Variants in NF1 observed in about 807,000 individuals in gnomAD.
NF1 encodes neurofibromin.
NF1 carries 122 observed loss-of-function variants against 325.7 expected under a neutral mutation model. The ratio of observed to expected loss-of-function variants is 0.37; its 90% CI spans 0.32 to 0.44. The LOEUF is 0.44. Ranked by LOEUF, NF1 falls within the 20% of genes least tolerant of loss-of-function variation. The pLI is 1.00. For missense variants in NF1, 2,140 were observed against 3,415.4 expected, an observed-to-expected ratio of 0.63 and a Z score of 9.31; for synonymous variants, 1,091 against 1,186.0, an observed-to-expected ratio of 0.92 and a Z score of 1.65.
chr17:31,218,982 A>C (rs2066872977), intron 13 of NF1, 23 bp from the exon 14 acceptor site: 1 of 1,589,948 alleles, frequency 6.3e-7, no homozygotes. Flanking sequence ...TTTTTAATTG[A>C]AGTTTCCTTT....
chr17:31,337,960 AATTTATT>A, intron 44 of NF1, 58 bp from the exon 45 acceptor site: 1 of 1,533,828 alleles, frequency 6.5e-7, no homozygotes, highest in Non-Finnish European at 9.0e-7. Context: ...TCAATGTTAT[AATTTATT>A]ATTTAGTATA....
chr17:31,195,990 T>A (rs1285497947), intron 8 of NF1, among the ~76,000 whole-genome samples: 2 of 152,086 alleles, frequency 1.3e-5, no homozygotes, highest in Non-Finnish European at 2.9e-5. Context: ...TTATTTTTGA[T>A]TTTTTGAAGA....
At chr17:31,326,391 T>A in intron 37 of NF1, 139 bp downstream of exon 37, 1 of 813,256 alleles carries the variant, frequency 1.2e-6, no homozygotes, top group Non-Finnish European at 1.9e-6. Flanking sequence ...CTCACGCCTG[T>A]AATCCAAGCA....
intron 36 of NF1, among the ~76,000 whole-genome samples, chr17:31,308,151 T>G (rs1207205998): frequency 6.6e-6 from 1 of 152,104 alleles, no homozygotes; most frequent in Non-Finnish European, 1.5e-5. Flanking sequence ...TTTTCTTTTT[T>G]TTTTTGGAGA....
At chr17:31,364,048 T>C (rs1456358965) in intron 57 of NF1, among the ~76,000 whole-genome samples, 1 of 152,176 alleles carries the variant, frequency 6.6e-6, no homozygotes, top group East Asian at 1.9e-4. Context: ...GCCATCTCAT[T>C]TCTTTATGGC....
At chr17:31,358,234 A>G (rs2070319022) in intron 54 of NF1, 2 of 536,038 alleles carry the variant, frequency 3.7e-6, no homozygotes, top group Admixed American at 6.3e-5. Context: ...ATATGACACT[A>G]CCAGTTGTTT....
chr17:31,243,703 A>G (rs1352233611), intron 29 of NF1, among the ~76,000 whole-genome samples: 1 of 149,622 alleles, frequency 6.7e-6, no homozygotes, highest in East Asian at 2.0e-4. Flanking sequence ...TCTCTCCCTT[A>G]AGGCCTTGGG....
chr17:31,220,400 A>G (rs968181371), intron 14 of NF1, among the ~76,000 whole-genome samples: 4 of 152,242 alleles, frequency 2.6e-5, no homozygotes, highest in African/African-American at 7.2e-5. Context: ...GGCAGGAGCT[A>G]TACAAACATT....
At chr17:31,318,418 G>T in intron 36 of NF1, 2 of 1,613,944 alleles carry the variant, frequency 1.2e-6, no homozygotes, top group Non-Finnish European at 1.7e-6. Flanking sequence ...GAGCTGTTTT[G>T]TTCTTTTCCA....
At chr17:31,186,723 T>G (rs2066246199) in intron 8 of NF1, among the ~76,000 whole-genome samples, 1 of 152,232 alleles carries the variant, frequency 6.6e-6, no homozygotes. Context: ...GTTCTGTGGA[T>G]GCCACTTAGC....
At chr17:31,233,393 G>A (rs2067148704) in intron 27 of NF1, among the ~76,000 whole-genome samples, 180 bp downstream of exon 27, 2 of 152,200 alleles carry the variant, frequency 1.3e-5, no homozygotes, top group African/African-American at 2.4e-5. Flanking sequence ...GACCTGACTA[G>A]TGTTCTGTAT....
chr17:31,237,899 G>A (rs543090002), intron 29 of NF1, among the ~76,000 whole-genome samples: 5 of 152,194 alleles, frequency 3.3e-5, no homozygotes, highest in African/African-American at 1.2e-4. Context: ...ATCAAACTGA[G>A]GCCCACTCTG....
chr17:31,350,361 G>T, intron 50 of NF1, 43 bp downstream of exon 50: 1 of 1,584,532 alleles, frequency 6.3e-7, no homozygotes, highest in African/African-American at 1.3e-5. Context: ...TCATAATCAA[G>T]TTTCAATTTT....
At position 31,377,522 on chromosome 17, in the gene NF1, A is replaced by C. The variant is rs1597885275; in HGVS notation, c.*3367A>C. On this transcript the variant is annotated 3_prime_UTR_variant, in exon 58 of 58. Coordinates refer to ENST00000358273, the MANE Select transcript of NF1 (RefSeq NM_001042492.3). ...GTAAACAGTTGTACGCCAGCAGGAA[A>C]AATACTGCCCAACAGACAAAATCGA... The C allele has an allele frequency of 3.0e-5, 7 of 232,974 alleles. No homozygotes were observed. In the East Asian group the frequency reaches 3.6e-4, roughly 12 times the overall value. The allele number at this position is 232,974 out of a possible 1,614,324, so 14.4% of individuals were successfully genotyped here.
chr17:31,357,174 T>A (rs2151582859), intron 53 of NF1, 84 bp downstream of exon 53: 2 of 1,595,352 alleles, frequency 1.3e-6, no homozygotes, highest in Non-Finnish European at 1.7e-6. Context: ...ATTAAAAACA[T>A]GAATAGGATA....
chr17:31,333,504 A>G (rs1334394924), intron 39 of NF1, among the ~76,000 whole-genome samples: 1 of 152,216 alleles, frequency 6.6e-6, no homozygotes, highest in Non-Finnish European at 1.5e-5. Flanking sequence ...CTTCACCAAG[A>G]GTAAACACTA....
intron 8 of NF1, among the ~76,000 whole-genome samples, chr17:31,184,669 A>G (rs1195002790): frequency 6.7e-6 from 1 of 149,378 alleles, no homozygotes; most frequent in East Asian, 1.9e-4. Flanking sequence ...ATAAAAAAAA[A>G]AAATAAAAAA....
At chr17:31,252,120 CTTTTTTT>C (rs1193012915) in intron 30 of NF1, 4 of 142,288 alleles carry the variant, frequency 2.8e-5, no homozygotes, top group South Asian at 2.7e-4. Context: ...TTTTAGGTGG[CTTTTTTT>C]TTTTTTTTTT....
At chr17:31,095,456 C>G (rs1911577892) in intron 1 of NF1, 87 bp downstream of exon 1, 5 of 1,305,046 alleles carry the variant, frequency 3.8e-6, no homozygotes, top group Non-Finnish European at 4.2e-6. Context: ...GCCGCCTCCC[C>G]CGCGGCTGCC....
Sources: allele counts gnomAD v4.1 joint callset (sites outside exome capture counted in the v4.1 genomes callset), GRCh38; gene constraint gnomAD v4.1.1; transcripts MANE v1.5; gene names NCBI Gene and HGNC (gene_info 2026-07-23, HGNC 2026-07-21).